Variants in CFAP299 observed in about 807,000 individuals in gnomAD.
CFAP299 encodes the protein cilia and flagella associated protein 299.
Under a neutral mutation model 27.0 loss-of-function variants are expected in CFAP299, and 21 were observed. The observed-to-expected ratio is 0.78, with a 90% CI of 0.55 to 1.12. CFAP299 has a LOEUF of 1.12. Ranked by LOEUF, CFAP299 falls within the 50% of genes most tolerant of loss-of-function variation. The pLI is 0.00. For missense variants in CFAP299, 310 were observed against 276.6 expected, an observed-to-expected ratio of 1.12 and a Z score of -0.86; for synonymous variants, 104 against 98.1, an observed-to-expected ratio of 1.06 and a Z score of -0.36.
intron 3 of CFAP299, among the ~76,000 whole-genome samples, chr4:80,836,689 G>A (rs965037163): frequency 2.0e-5 from 3 of 152,066 alleles, no homozygotes; most frequent in Non-Finnish European, 2.9e-5. Context: ...AATCCCTTAT[G>A]TCAAGGAAAG....
intron 3 of CFAP299, among the ~76,000 whole-genome samples, chr4:80,810,115 A>G (rs1729071008): frequency 6.6e-6 from 1 of 152,102 alleles, no homozygotes; most frequent in South Asian, 2.1e-4. Context: ...ATTGGAAGAA[A>G]TACACTGAGA....
At chr4:80,332,133 A>C (rs1438021765), upstream of CFAP299, among the ~76,000 whole-genome samples, 1 of 152,256 alleles carries the variant, frequency 6.6e-6, no homozygotes, top group Non-Finnish European at 1.5e-5. Flanking sequence ...GAGGACAGAA[A>C]AAATGTCTAT....
intron 3 of CFAP299, among the ~76,000 whole-genome samples, chr4:80,800,730 G>GTA (rs1320135336): frequency 5.3e-4 from 49 of 91,644 alleles, no homozygotes; most frequent in African/African-American, 1.9e-3. Flanking sequence ...GTCCATATGT[G>GTA]TATATATATA....
chr4:80,387,716 G>C, intron 2 of CFAP299: 2 of 1,581,400 alleles, frequency 1.3e-6, no homozygotes, highest in South Asian at 1.1e-5. Flanking sequence ...CATTGGAAGG[G>C]CTTCTCACCT....
At chr4:80,386,249 C>A in intron 2 of CFAP299, 1 of 1,139,872 alleles carries the variant, frequency 8.8e-7, no homozygotes, top group Non-Finnish European at 1.3e-6. Flanking sequence ...GCCTGCAGCC[C>A]CGCCAGAGCC....
At chr4:80,957,321 G>T (rs1263522319) in intron 5 of CFAP299, among the ~76,000 whole-genome samples, 2 of 152,144 alleles carry the variant, frequency 1.3e-5, no homozygotes, top group Non-Finnish European at 2.9e-5. Flanking sequence ...TCTAAGTGCT[G>T]AATTTTCTCA....
At chr4:80,617,686 C>T (rs1738361749) in intron 3 of CFAP299, among the ~76,000 whole-genome samples, 1 of 152,058 alleles carries the variant, frequency 6.6e-6, no homozygotes, top group African/African-American at 2.4e-5. Flanking sequence ...ATAAAAGTGC[C>T]CATCATAATG....
chr4:80,889,546 T>C (rs1361551952), intron 4 of CFAP299, among the ~76,000 whole-genome samples: 2 of 152,012 alleles, frequency 1.3e-5, no homozygotes, highest in Non-Finnish European at 2.9e-5. Flanking sequence ...ACCAGAAATT[T>C]AATAGAGAAC....
chr4:80,549,203 T>C (rs1734385814), intron 2 of CFAP299, among the ~76,000 whole-genome samples: 3 of 152,076 alleles, frequency 2.0e-5, no homozygotes, highest in Non-Finnish European at 2.9e-5. Context: ...TTTAAACTAT[T>C]CTGGCTTCAG....
intron 3 of CFAP299, among the ~76,000 whole-genome samples, chr4:80,652,636 A>G (rs961159637): frequency 2.6e-5 from 4 of 152,180 alleles, no homozygotes; most frequent in African/African-American, 9.6e-5. Context: ...TGGTCAAAAC[A>G]TATTGAATGC....
intron 2 of CFAP299, chr4:80,386,383 C>T: frequency 1.3e-6 from 2 of 1,520,382 alleles, no homozygotes; most frequent in South Asian, 1.2e-5. Flanking sequence ...CCCGGGACGG[C>T]CTCGGGCACC....
chr4:80,533,008 T>A (rs1324686042), intron 2 of CFAP299, among the ~76,000 whole-genome samples: 1 of 152,216 alleles, frequency 6.6e-6, no homozygotes, highest in African/African-American at 2.4e-5. Flanking sequence ...AATTTATTGT[T>A]TTTTTGTGTG....
chr4:80,771,011 A>G (rs1250453586), intron 3 of CFAP299, among the ~76,000 whole-genome samples: 1 of 152,154 alleles, frequency 6.6e-6, no homozygotes, highest in African/African-American at 2.4e-5. Context: ...TAACTGATCA[A>G]TAACCAATTA....
chr4:80,399,758 G>A (rs1448804008), intron 2 of CFAP299, among the ~76,000 whole-genome samples: 2 of 151,698 alleles, frequency 1.3e-5, no homozygotes, highest in Non-Finnish European at 2.9e-5. Flanking sequence ...GTTAATAGGT[G>A]CAGCACACCA....
intron 3 of CFAP299, among the ~76,000 whole-genome samples, chr4:80,754,664 T>A (rs1228596883): frequency 6.6e-6 from 1 of 151,998 alleles, no homozygotes; most frequent in East Asian, 1.9e-4. Context: ...TGAGAACGAG[T>A]ATAAATTATG....
At chr4:80,551,245 T>A (rs965253213) in intron 2 of CFAP299, among the ~76,000 whole-genome samples, 1 of 152,174 alleles carries the variant, frequency 6.6e-6, no homozygotes, top group African/African-American at 2.4e-5. Context: ...CATATTAGGG[T>A]TCTTACAACG....
At chr4:80,754,413 C>T (rs1461638941) in intron 3 of CFAP299, among the ~76,000 whole-genome samples, 1 of 152,028 alleles carries the variant, frequency 6.6e-6, no homozygotes, top group Non-Finnish European at 1.5e-5. Flanking sequence ...GAGATAGAAG[C>T]ATTCTTGATT....
At chr4:80,450,582 G>C (rs111590655) in intron 2 of CFAP299, among the ~76,000 whole-genome samples, 147 of 151,974 alleles carry the variant, frequency 9.7e-4, no homozygotes, top group African/African-American at 3.3e-3. Context: ...TGCACTGATG[G>C]TTAGGTTAGT....
At chr4:80,360,558 G>A (rs767602074) in intron 1 of CFAP299, among the ~76,000 whole-genome samples, 18 of 152,224 alleles carry the variant, frequency 1.2e-4, no homozygotes, top group East Asian at 5.8e-4. Context: ...TATGTTTGTC[G>A]TATATCTTTA....
Sources: allele counts gnomAD v4.1 joint callset (sites outside exome capture counted in the v4.1 genomes callset), GRCh38; gene constraint gnomAD v4.1.1; transcripts MANE v1.5; gene names NCBI Gene and HGNC (gene_info 2026-07-23, HGNC 2026-07-21).